PRKCE: variants seen among roughly 807,000 people sequenced by gnomAD.
The protein encoded by PRKCE is protein kinase C epsilon type.
In PRKCE, 16 loss-of-function variants were observed where a neutral mutation model predicts 85.4. The ratio of observed to expected loss-of-function variants is 0.19; its 90% CI spans 0.13 to 0.28. The LOEUF (loss-of-function observed/expected upper bound fraction) is 0.28. Among genes scored for constraint, PRKCE ranks in the 10% least tolerant of loss-of-function variants. The probability of loss-of-function intolerance (pLI) is 1.00; values close to 1 mark genes in which losing one functional copy is unlikely to be tolerated. For missense variants in PRKCE, 573 were observed against 975.2 expected (o/e 0.59, Z 5.49); for synonymous variants, 388 against 371.5 (o/e 1.04, Z -0.51).
chr2:45,733,018 T>G (rs910526239), intron 1 of PRKCE, among the ~76,000 whole-genome samples: 2 of 152,214 alleles, frequency 1.3e-5, no homozygotes, highest in Admixed American at 6.5e-5. Flanking sequence ...GCTCTACCAT[T>G]GTAGTGCAAA....
intron 1 of PRKCE, among the ~76,000 whole-genome samples, chr2:45,684,163 T>C (rs1677109782): frequency 1.3e-5 from 2 of 152,202 alleles, no homozygotes; most frequent in South Asian, 2.1e-4. Flanking sequence ...TCTACCTCAT[T>C]GAAACCTGCT....
At chr2:45,665,160 T>C (rs1014023385) in intron 1 of PRKCE, among the ~76,000 whole-genome samples, 14 of 152,268 alleles carry the variant, frequency 9.2e-5, no homozygotes, top group African/African-American at 2.7e-4. Context: ...GATTTCATTT[T>C]ACATAATTTA....
intron 1 of PRKCE, among the ~76,000 whole-genome samples, chr2:45,775,280 C>A (rs527308692): frequency 7.5e-4 from 114 of 152,302 alleles, no homozygotes; most frequent in Admixed American, 7.5e-3. Flanking sequence ...TTACTGTCTT[C>A]CTGCTCCGTG....
Position 45,652,086 on chromosome 2 carries a change from C to A in PRKCE, c.-15C>A. On this transcript the variant is annotated 5_prime_UTR_variant, in exon 1 of 15. Transcript: ENST00000306156. The surrounding 1 kb of genome is among the most constrained non-coding windows in gnomAD (Gnocchi z 7.7). ...GCAGACGGAGTGACCCCGGCCCCCACTCCCCGCCCCGACCATGGTAGTGTT... is the reference window on the plus strand; with the variant it reads ...GCAGACGGAGTGACCCCGGCCCCCAATCCCCGCCCCGACCATGGTAGTGTT... 1 of 1,512,552 alleles carries A rather than the reference C, an allele frequency of 6.6e-7. No individual in the cohort carries two copies. The highest frequency in any genetic ancestry group is 8.9e-7 in the Non-Finnish European group (1 of 1,120,288). 93.7% of individuals were successfully genotyped at this position (1,512,552 alleles called of 1,614,324 possible). A position where few individuals can be genotyped will look rare whatever the true frequency, so the allele number is the denominator to read the frequency against.
rs1704995856 is a variant in PRKCE at position 46,004,471 on chromosome 2, A to T, written c.967-71A>T. The stretch of plus-strand genomic sequence containing the variant: ...CTCATGGCTCTTATACGGCATCTTG[A>T]TGCTTTTGACATCAGAAAACTCTCA... On this transcript the variant is annotated intron_variant, in intron 7 of 14. Coordinates refer to ENST00000306156, the MANE Select transcript of PRKCE (RefSeq NM_005400.3). The surrounding 1 kb of genome is among the most constrained non-coding windows in gnomAD (Gnocchi z 4.1). The T allele has an allele frequency of 4.8e-6, 6 of 1,244,226 alleles. No individual in the cohort carries two copies. The African/African-American group carries it at 6.0e-5, about 12-fold the overall frequency. 77.1% of individuals were successfully genotyped at this position (1,244,226 alleles called of 1,614,324 possible).
At chr2:45,986,257 T>A (rs1023861780) in intron 6 of PRKCE, among the ~76,000 whole-genome samples, 9 of 152,226 alleles carry the variant, frequency 5.9e-5, no homozygotes, top group African/African-American at 2.2e-4. Context: ...GCAGGAGCTG[T>A]CTTAGTGGGA....
intron 1 of PRKCE, among the ~76,000 whole-genome samples, chr2:45,839,610 A>G (rs1691183708): frequency 1.3e-5 from 2 of 152,236 alleles, no homozygotes; most frequent in Non-Finnish European, 2.9e-5. Flanking sequence ...GCAGACTGAC[A>G]GCTTGCAGGG....
intron 2 of PRKCE, among the ~76,000 whole-genome samples, chr2:45,872,400 C>T (rs1694166297): frequency 6.6e-6 from 1 of 152,176 alleles, no homozygotes; most frequent in Admixed American, 6.5e-5. Context: ...CTTTGCAGAT[C>T]AGTTAGGACT....
chr2:46,175,989 G>A (rs747301843), intron 14 of PRKCE, among the ~76,000 whole-genome samples: 8 of 152,212 alleles, frequency 5.3e-5, no homozygotes, highest in East Asian at 1.9e-4. Context: ...AAAACTCACC[G>A]TCTGGAGATT....
chr2:45,863,891 G>A (rs1693372367), intron 2 of PRKCE, among the ~76,000 whole-genome samples: 1 of 152,168 alleles, frequency 6.6e-6, no homozygotes, highest in African/African-American at 2.4e-5. Context: ...GAGTCTAAAA[G>A]GGGGCATTGC....
chr2:45,990,963 A>G (rs890631275), intron 6 of PRKCE, among the ~76,000 whole-genome samples: 2 of 150,386 alleles, frequency 1.3e-5, no homozygotes, highest in African/African-American at 4.9e-5. Flanking sequence ...CACCCAGTCT[A>G]AATTACTTGT....
chr2:46,011,146 C>T (rs1007885504), intron 10 of PRKCE, among the ~76,000 whole-genome samples: 36 of 152,186 alleles, frequency 2.4e-4, no homozygotes, highest in African/African-American at 8.4e-4. Context: ...CAATGTTCTT[C>T]ATGAAGCTCT....
intron 1 of PRKCE, among the ~76,000 whole-genome samples, chr2:45,660,835 T>C (rs1216060178): frequency 6.6e-6 from 1 of 152,216 alleles, no homozygotes; most frequent in Admixed American, 6.5e-5. Context: ...AGAAACCATG[T>C]GAAGTGGCCA....
chr2:45,673,874 G>A (rs1053136370), intron 1 of PRKCE, among the ~76,000 whole-genome samples: 7 of 152,122 alleles, frequency 4.6e-5, no homozygotes, highest in African/African-American at 1.4e-4. Flanking sequence ...TCCAGGGATC[G>A]TTCCTATGGA....
chr2:46,049,135 C>G (rs1441137842), intron 10 of PRKCE, among the ~76,000 whole-genome samples: 2 of 152,156 alleles, frequency 1.3e-5, no homozygotes, highest in South Asian at 4.1e-4. Flanking sequence ...GTCTGTCTTT[C>G]CCCTTCTTGA....
At chr2:45,893,437 G>A (rs779777840) in intron 2 of PRKCE, among the ~76,000 whole-genome samples, 5 of 149,892 alleles carry the variant, frequency 3.3e-5, no homozygotes, top group South Asian at 2.1e-4. Flanking sequence ...GCGCAATCTC[G>A]GCTCACTGCA....
chr2:46,003,852 GA>G (rs1704926811), intron 7 of PRKCE: 1 of 152,336 alleles, frequency 6.6e-6, no homozygotes, highest in Non-Finnish European at 1.5e-5. Context: ...TGTGCTTTCA[GA>G]ATATCAATTC....
chr2:45,886,958 T>A (rs1470527555), intron 2 of PRKCE, among the ~76,000 whole-genome samples: 1 of 152,224 alleles, frequency 6.6e-6, no homozygotes, highest in Non-Finnish European at 1.5e-5. Flanking sequence ...TTGTGTGAGG[T>A]GGACGATGTC....
chr2:45,918,208 G>C (rs994303324), intron 2 of PRKCE, among the ~76,000 whole-genome samples: 4 of 152,194 alleles, frequency 2.6e-5, no homozygotes, highest in Non-Finnish European at 5.9e-5. Context: ...AGCGAGGGCT[G>C]TGAGGACTGC....
Sources: gnomAD v4.1 joint callset for allele counts (sites outside exome capture counted in the v4.1 genomes callset) on GRCh38, gnomAD v4.1.1 for gene constraint, Gnocchi (gnomAD v3.1) non-coding constraint, MANE v1.5 for transcripts, NCBI Gene and HGNC (gene_info 2026-07-23, HGNC 2026-07-21) for gene names.